SNX10: variants seen among roughly 807,000 people sequenced by gnomAD.
SNX10 encodes sorting nexin-10.
Under a neutral mutation model 28.5 loss-of-function variants are expected in SNX10, and 25 were observed. That is an observed-to-expected ratio of 0.88 (90% CI 0.64 to 1.22). The LOEUF is 1.22. SNX10 is among the 50% of genes most tolerant of loss of function. The pLI is 0.00. For missense variants in SNX10, 223 were observed against 242.6 expected, an observed-to-expected ratio of 0.92 and a Z score of 0.54; for synonymous variants, 62 against 81.4, an observed-to-expected ratio of 0.76 and a Z score of 1.28.
chr7:26,332,075 T>C (rs1233480504), intron 1 of SNX10, among the ~76,000 whole-genome samples: 3 of 152,248 alleles, frequency 2.0e-5, no homozygotes, highest in Non-Finnish European at 4.4e-5. Flanking sequence ...ATATACAAGT[T>C]TTTATTTCTC....
chr7:26,344,518 G>A (rs530829864), intron 1 of SNX10, among the ~76,000 whole-genome samples: 4 of 152,248 alleles, frequency 2.6e-5, no homozygotes, highest in African/African-American at 7.2e-5. Context: ...GGAATCATAC[G>A]GTGTCTGTCT....
intron 1 of SNX10, among the ~76,000 whole-genome samples, chr7:26,318,122 T>C (rs902688325): frequency 2.0e-5 from 3 of 152,232 alleles, no homozygotes; most frequent in South Asian, 4.1e-4. Context: ...AAATGTTAGA[T>C]CACATCGCCT....
intron 1 of SNX10, among the ~76,000 whole-genome samples, chr7:26,326,036 A>G (rs1187895684): frequency 1.3e-5 from 2 of 152,118 alleles, no homozygotes; most frequent in Non-Finnish European, 2.9e-5. Context: ...CCAAAATTAG[A>G]GATTTTAAAA....
intron 1 of SNX10, among the ~76,000 whole-genome samples, chr7:26,325,752 G>A (rs1787480106): frequency 1.3e-5 from 2 of 149,448 alleles, no homozygotes. Flanking sequence ...TTTTGAGATG[G>A]AGTCTCACTC....
chr7:26,323,342 G>A (rs368716300), intron 1 of SNX10, among the ~76,000 whole-genome samples: 1 of 152,098 alleles, frequency 6.6e-6, no homozygotes, highest in Non-Finnish European at 1.5e-5. Flanking sequence ...TTGCAGCAAA[G>A]ATGACTTTGG....
At chr7:26,308,370 C>T (rs1045308011) in intron 1 of SNX10, among the ~76,000 whole-genome samples, 2 of 152,198 alleles carry the variant, frequency 1.3e-5, no homozygotes, top group African/African-American at 2.4e-5. Context: ...TTGCACCAAG[C>T]GGCCCAGAAG....
chr7:26,363,072 AG>A (rs1384754393), intron 3 of SNX10, among the ~76,000 whole-genome samples: 1 of 152,180 alleles, frequency 6.6e-6, no homozygotes, highest in Non-Finnish European at 1.5e-5. Flanking sequence ...AAGCCTTGTT[AG>A]GGGACTAGTT....
chr7:26,343,030 G>A (rs1402563122), intron 1 of SNX10, among the ~76,000 whole-genome samples: 1 of 152,030 alleles, frequency 6.6e-6, no homozygotes, highest in African/African-American at 2.4e-5. Flanking sequence ...GGCTGGTCTT[G>A]AACTCCTAAG....
chr7:26,308,872 T>C (rs1390762965), intron 1 of SNX10, among the ~76,000 whole-genome samples: 5 of 152,142 alleles, frequency 3.3e-5, no homozygotes, highest in Admixed American at 2.0e-4. Flanking sequence ...AGGGTCAGAA[T>C]TGAACTGGGT....
intron 1 of SNX10, among the ~76,000 whole-genome samples, chr7:26,323,573 G>GA (rs1787388815): frequency 6.6e-6 from 1 of 152,180 alleles, no homozygotes; most frequent in African/African-American, 2.4e-5. Flanking sequence ...GGTGGTTGGG[G>GA]AAGAGGGGCC....
intron 2 of SNX10, chr7:26,357,059 C>T: frequency 8.1e-7 from 1 of 1,227,362 alleles, no homozygotes; most frequent in Non-Finnish European, 1.1e-6. Flanking sequence ...ATGTATGAGG[C>T]ATTCAAGTCT....
At chr7:26,353,066 A>G (rs1788670249) in intron 2 of SNX10, among the ~76,000 whole-genome samples, 1 of 152,284 alleles carries the variant, frequency 6.6e-6, no homozygotes, top group South Asian at 2.1e-4. Flanking sequence ...CTACTTGTGT[A>G]AAGAAACTTG....
intron 1 of SNX10, among the ~76,000 whole-genome samples, chr7:26,341,660 T>C (rs1788181881): frequency 6.6e-6 from 1 of 152,034 alleles, no homozygotes; most frequent in Non-Finnish European, 1.5e-5. Context: ...AATTTTTGTA[T>C]TTTCAGTAGA....
intron 1 of SNX10, among the ~76,000 whole-genome samples, chr7:26,310,149 A>AT (rs954278681): frequency 2.0e-5 from 3 of 152,216 alleles, no homozygotes; most frequent in African/African-American, 7.2e-5. Flanking sequence ...AAGACGAATG[A>AT]TTAACCATGA....
At chr7:26,322,689 A>C (rs1326752540) in intron 1 of SNX10, among the ~76,000 whole-genome samples, 2 of 152,246 alleles carry the variant, frequency 1.3e-5, no homozygotes, top group Non-Finnish European at 2.9e-5. Flanking sequence ...TTAATAGTAT[A>C]AAATGGTCAT....
At chr7:26,306,779 G>C (rs1786611280) in intron 1 of SNX10, among the ~76,000 whole-genome samples, 1 of 152,182 alleles carries the variant, frequency 6.6e-6, no homozygotes, top group Admixed American at 6.5e-5. Context: ...GGGGTCCTGG[G>C]AAAGTCTGAG....
intron 1 of SNX10, among the ~76,000 whole-genome samples, chr7:26,309,731 G>C: frequency 6.6e-6 from 1 of 152,084 alleles, no homozygotes; most frequent in Non-Finnish European, 1.5e-5. Context: ...ATTTCTAAGG[G>C]GGATGCTTGG....
intron 1 of SNX10, among the ~76,000 whole-genome samples, chr7:26,341,996 CTT>C (rs769113733): frequency 6.1e-4 from 74 of 121,066 alleles, no homozygotes; most frequent in African/African-American, 1.6e-3. Flanking sequence ...CTCTCTCTCT[CTT>C]TCTTTCTTTC....
chr7:26,361,632 C>G (rs1246354026), intron 3 of SNX10, among the ~76,000 whole-genome samples: 1 of 152,206 alleles, frequency 6.6e-6, no homozygotes, highest in Admixed American at 6.5e-5. Context: ...GTGTGGCCTT[C>G]TGTGACCATC....
Sources: allele counts gnomAD v4.1 joint callset (sites outside exome capture counted in the v4.1 genomes callset), GRCh38; gene constraint gnomAD v4.1.1; transcripts MANE v1.5; gene names NCBI Gene and HGNC (gene_info 2026-07-23, HGNC 2026-07-21).